BANK1: variants seen among roughly 807,000 people sequenced by gnomAD.
BANK1 encodes B cell scaffold protein with ankyrin repeats 1, also known as B-cell scaffold protein with ankyrin repeats.
Under a neutral mutation model 94.5 loss-of-function variants are expected in BANK1, and 95 were observed. The observed-to-expected ratio is 1.00, with a 90% CI of 0.85 to 1.19. The LOEUF is 1.19. Ranked by LOEUF, BANK1 falls within the 50% of genes most tolerant of loss-of-function variation. BANK1 has a pLI of 0.00. For synonymous variants in BANK1, 334 were observed against 308.4 expected, an observed-to-expected ratio of 1.08 and a Z score of -0.87; for missense variants, 987 against 932.2, an observed-to-expected ratio of 1.06 and a Z score of -0.77.
intron 2 of BANK1, among the ~76,000 whole-genome samples, chr4:101,843,156 A>T (rs1560597326): frequency 3.3e-5 from 5 of 152,228 alleles, no homozygotes; most frequent in Non-Finnish European, 1.5e-5. Context: ...TCAAACAAAA[A>T]ACAGTGTCCA....
chr4:102,065,020 A>G (rs1410205123), intron 13 of BANK1, among the ~76,000 whole-genome samples: 4 of 152,200 alleles, frequency 2.6e-5, no homozygotes, highest in Admixed American at 6.5e-5. Context: ...GTACATGTGT[A>G]AAGCAAAACA....
intron 7 of BANK1, among the ~76,000 whole-genome samples, chr4:102,018,819 C>CT (rs200697538): frequency 0.085 from 11,980 of 141,002 alleles, 1,462 homozygotes; most frequent in African/African-American, 0.27. Flanking sequence ...TTCTTTCTTT[C>CT]CTTTTTTTTT....
At chr4:101,841,428 CTT>C (rs925775840) in intron 2 of BANK1, among the ~76,000 whole-genome samples, 4 of 151,878 alleles carry the variant, frequency 2.6e-5, no homozygotes, top group Non-Finnish European at 5.9e-5. Context: ...ATATGAGTAT[CTT>C]TTTTTAAATT....
intron 10 of BANK1, among the ~76,000 whole-genome samples, chr4:102,035,171 A>AT (rs1423071609): frequency 6.6e-6 from 1 of 152,118 alleles, no homozygotes; most frequent in Non-Finnish European, 1.5e-5. Context: ...CCTGCTTTAA[A>AT]CCATCTTATG....
intron 1 of BANK1, among the ~76,000 whole-genome samples, chr4:101,803,859 GT>G (rs1423760136): frequency 6.7e-6 from 1 of 149,448 alleles, no homozygotes; most frequent in African/African-American, 2.4e-5. Context: ...TTAGCCGGGC[GT>G]AGTGGCGGGC....
At chr4:101,932,725 C>T (rs892782672) in intron 7 of BANK1, among the ~76,000 whole-genome samples, 4 of 151,512 alleles carry the variant, frequency 2.6e-5, no homozygotes, top group South Asian at 2.1e-4. Flanking sequence ...ATTGTGAGAC[C>T]GCTCATTCCT....
At chr4:101,944,022 TTG>T (rs70937503) in intron 7 of BANK1, among the ~76,000 whole-genome samples, 45,651 of 147,310 alleles carry the variant, frequency 0.31, 7,541 homozygotes, top group Non-Finnish European at 0.39. Context: ...GTGTGTGTGT[TTG>T]TGTGTGTGTG....
At chr4:101,930,410 A>G (rs1483260628) in intron 7 of BANK1, among the ~76,000 whole-genome samples, 1 of 151,556 alleles carries the variant, frequency 6.6e-6, no homozygotes, top group African/African-American at 2.4e-5. Flanking sequence ...AACATAAGAC[A>G]GACAAGTCAC....
intron 2 of BANK1, among the ~76,000 whole-genome samples, chr4:101,854,791 C>G (rs564686016): frequency 1.7e-3 from 254 of 152,142 alleles, no homozygotes; most frequent in African/African-American, 5.9e-3. Context: ...TTGGAAAACA[C>G]TTAACTAGTA....
chr4:102,055,626 A>C (rs1184722518), intron 11 of BANK1, among the ~76,000 whole-genome samples: 1 of 152,084 alleles, frequency 6.6e-6, no homozygotes, highest in Non-Finnish European at 1.5e-5. Context: ...AAATTATTTT[A>C]ACTAGCTGGA....
At chr4:102,042,716 C>T (rs1194348295) in intron 10 of BANK1, among the ~76,000 whole-genome samples, 1 of 152,034 alleles carries the variant, frequency 6.6e-6, no homozygotes, top group Non-Finnish European at 1.5e-5. Context: ...CACGTTCACT[C>T]CCACAGGCCT....
chr4:101,947,401 C>G (rs1199635302), intron 7 of BANK1, among the ~76,000 whole-genome samples: 1 of 149,234 alleles, frequency 6.7e-6, no homozygotes, highest in African/African-American at 2.5e-5. Flanking sequence ...TGTATGAAAC[C>G]TGGGATGCCC....
At chr4:101,946,411 A>C (rs1029656117) in intron 7 of BANK1, among the ~76,000 whole-genome samples, 1 of 151,960 alleles carries the variant, frequency 6.6e-6, no homozygotes, top group African/African-American at 2.4e-5. Context: ...GAAAATATTA[A>C]AGCCGAGCAG....
At chr4:102,047,925 G>A (rs1463979281) in intron 11 of BANK1, among the ~76,000 whole-genome samples, 2 of 152,078 alleles carry the variant, frequency 1.3e-5, no homozygotes, top group African/African-American at 4.8e-5. Flanking sequence ...AGAAAAAGGG[G>A]AGGAGAGGGT....
intron 3 of BANK1, among the ~76,000 whole-genome samples, chr4:101,861,444 CTTA>C (rs1410996745): frequency 1.3e-5 from 2 of 151,754 alleles, no homozygotes; most frequent in Non-Finnish European, 2.9e-5. Context: ...GGAATTGAAA[CTTA>C]TTATGACTTG....
intron 1 of BANK1, among the ~76,000 whole-genome samples, chr4:101,822,711 G>A (rs964019344): frequency 2.6e-5 from 4 of 151,314 alleles, no homozygotes; most frequent in African/African-American, 9.7e-5. Context: ...CACCTCCCAA[G>A]TTCATGTCAT....
chr4:102,030,396 G>A (rs1434975307), intron 10 of BANK1, 131 bp downstream of exon 10: 1 of 884,450 alleles, frequency 1.1e-6, no homozygotes, highest in African/African-American at 1.7e-5. Flanking sequence ...TCAAGTCACA[G>A]CTAAGCTATA....
chr4:101,816,251 A>G (rs566979761), intron 1 of BANK1, among the ~76,000 whole-genome samples: 1 of 152,326 alleles, frequency 6.6e-6, no homozygotes, highest in African/African-American at 2.4e-5. Flanking sequence ...TTTGTATGTC[A>G]CAAAAGGCAT....
At chr4:101,904,816 C>T (rs1039617612) in intron 6 of BANK1, among the ~76,000 whole-genome samples, 1 of 152,164 alleles carries the variant, frequency 6.6e-6, no homozygotes, top group South Asian at 2.1e-4. Flanking sequence ...ACTTCAGGGG[C>T]TTTATTAACT....
Sources: allele counts gnomAD v4.1 joint callset (sites outside exome capture counted in the v4.1 genomes callset), GRCh38; gene constraint gnomAD v4.1.1; transcripts MANE v1.5; gene names NCBI Gene and HGNC (gene_info 2026-07-23, HGNC 2026-07-21).